Variants in DDX10 observed in about 807,000 individuals in gnomAD.
DDX10 encodes probable ATP-dependent RNA helicase DDX10.
In DDX10, 74 loss-of-function variants were observed where a neutral mutation model predicts 104.3. That is an observed-to-expected ratio of 0.71 (90% confidence interval 0.59 to 0.86). DDX10 has a LOEUF of 0.86. Among genes scored for constraint, DDX10 ranks in the 40% least tolerant of loss-of-function variants. The pLI, the probability that DDX10 is intolerant of heterozygous loss-of-function variation, is 0.00. For synonymous variants in DDX10, 351 were observed against 353.4 expected (o/e 0.99, Z 0.08); for missense variants, 952 against 1,040.0 (o/e 0.92, Z 1.16).
chr11:108,861,903 G>A (rs1862946179), intron 16 of DDX10, among the ~76,000 whole-genome samples: 2 of 152,176 alleles, frequency 1.3e-5, no homozygotes, highest in African/African-American at 4.8e-5. Flanking sequence ...GTGCATGCCT[G>A]TAGTCCCAGC....
At chr11:108,892,845 G>A (rs980386457) in intron 16 of DDX10, among the ~76,000 whole-genome samples, 4 of 152,230 alleles carry the variant, frequency 2.6e-5, no homozygotes, top group African/African-American at 9.6e-5. Flanking sequence ...TTTAGTCCAA[G>A]TTTCCTTAGC....
chr11:108,791,321 T>C (rs1451737408), intron 13 of DDX10, among the ~76,000 whole-genome samples: 1 of 152,216 alleles, frequency 6.6e-6, no homozygotes, highest in Non-Finnish European at 1.5e-5. Flanking sequence ...TCGCAGCTGA[T>C]GCTGTGTGGA....
In DDX10 at chr11:108,691,511, T is replaced by A. The variant is rs567559121; in HGVS notation, c.976-365T>A. On this transcript the variant is annotated intron_variant, in intron 7 of 17. Coordinates refer to ENST00000322536, the MANE Select transcript of DDX10 (RefSeq NM_004398.4). Reference sequence around the variant, plus strand: ...ACATATTTCTTGGTTTGATCAGTTCTGTATTACTAATTATTTTAATAATTG... The same window carrying A: ...ACATATTTCTTGGTTTGATCAGTTCAGTATTACTAATTATTTTAATAATTG... 2.0e-5 allele frequency among the ~76,000 whole-genome samples: 3 copies of A among 152,340 alleles called. No individual in the cohort carries two copies. In the East Asian group the frequency reaches 5.8e-4, roughly 29 times the overall value.
chr11:108,853,078 GAATATAAGCAGAAAAGACTGCTTATATTA>G (rs1192694421), intron 16 of DDX10, among the ~76,000 whole-genome samples: 2 of 151,968 alleles, frequency 1.3e-5, no homozygotes, highest in South Asian at 2.1e-4. Flanking sequence ...ATTTAATACT[GAATATAAGCAGAAAAGACTGCTTATATTA>G]AATATAAGCA....
intron 13 of DDX10, among the ~76,000 whole-genome samples, chr11:108,751,493 A>G (rs564250653): frequency 5.9e-5 from 9 of 152,212 alleles, no homozygotes; most frequent in Non-Finnish European, 1.0e-4. Context: ...ATGAAAGTCA[A>G]GTGGGAGGGG....
intron 13 of DDX10, among the ~76,000 whole-genome samples, chr11:108,745,062 TCCCC>T (rs2094329779): frequency 1.9e-5 from 1 of 53,494 alleles, no homozygotes; most frequent in Admixed American, 2.6e-4. Context: ...CCTTCCCCCT[TCCCC>T]CTTCCCCCTT....
chr11:108,796,002 G>A (rs568566193), intron 13 of DDX10, among the ~76,000 whole-genome samples: 10 of 152,276 alleles, frequency 6.6e-5, no homozygotes, highest in African/African-American at 2.4e-4. Context: ...AATAAGTATA[G>A]AAGTGTTCAG....
intron 13 of DDX10, among the ~76,000 whole-genome samples, chr11:108,781,078 A>G (rs1314046624): frequency 6.6e-6 from 1 of 152,076 alleles, no homozygotes; most frequent in Non-Finnish European, 1.5e-5. Flanking sequence ...CCTTTCTAGT[A>G]GTCTGCAGTG....
At chr11:108,692,123 C>T (rs1358826299) in intron 8 of DDX10, 85 bp downstream of exon 8, 2 of 1,238,232 alleles carry the variant, frequency 1.6e-6, no homozygotes, top group African/African-American at 1.5e-5. Flanking sequence ...ATCTGATAGA[C>T]TCAAACACTT....
chr11:108,683,217 T>C (rs1164200010), intron 6 of DDX10, among the ~76,000 whole-genome samples: 1 of 152,242 alleles, frequency 6.6e-6, no homozygotes, highest in African/African-American at 2.4e-5. Flanking sequence ...GAATCTCTGC[T>C]CAGTTCTGTA....
intron 13 of DDX10, among the ~76,000 whole-genome samples, chr11:108,762,519 A>G (rs1199102044): frequency 6.6e-6 from 1 of 152,192 alleles, no homozygotes; most frequent in East Asian, 1.9e-4. Flanking sequence ...AAAACCTAAG[A>G]AGGAGTTCCT....
At chr11:108,777,855 A>G (rs538584575) in intron 13 of DDX10, among the ~76,000 whole-genome samples, 10 of 152,348 alleles carry the variant, frequency 6.6e-5, no homozygotes, top group South Asian at 2.1e-4. Flanking sequence ...GTGTCAGGAT[A>G]CAAAATCAGT....
intron 13 of DDX10, among the ~76,000 whole-genome samples, chr11:108,781,520 C>T (rs1021372639): frequency 6.6e-6 from 1 of 152,140 alleles, no homozygotes; most frequent in Admixed American, 6.6e-5. Flanking sequence ...TAATACTGAA[C>T]TATATGGAGG....
chr11:108,701,959 C>T (rs2094268883), intron 9 of DDX10, among the ~76,000 whole-genome samples: 1 of 152,138 alleles, frequency 6.6e-6, no homozygotes, highest in Admixed American at 6.5e-5. Context: ...GCTGGGGTTA[C>T]AGGCGTGAAC....
intron 15 of DDX10, among the ~76,000 whole-genome samples, chr11:108,842,586 A>G (rs1286167816): frequency 6.6e-6 from 1 of 152,202 alleles, no homozygotes; most frequent in Non-Finnish European, 1.5e-5. Flanking sequence ...AGCTTTAGGG[A>G]TGGAAAATGA....
intron 13 of DDX10, among the ~76,000 whole-genome samples, chr11:108,731,604 A>G (rs1409443099): frequency 6.8e-6 from 1 of 148,004 alleles, no homozygotes; most frequent in African/African-American, 2.5e-5. Context: ...CCTCGACCTT[A>G]TGGGCTGAAG....
intron 10 of DDX10, among the ~76,000 whole-genome samples, chr11:108,710,121 A>G (rs1009535897): frequency 1.2e-4 from 19 of 152,228 alleles, no homozygotes; most frequent in African/African-American, 4.6e-4. Flanking sequence ...GATAAAAAGC[A>G]TACCTGCATA....
chr11:108,892,974 C>T (rs528201832), intron 16 of DDX10, among the ~76,000 whole-genome samples: 1 of 152,236 alleles, frequency 6.6e-6, no homozygotes, highest in East Asian at 1.9e-4. Flanking sequence ...TCCAACTCAT[C>T]CTTAAGACTG....
Position 108,725,236 on chromosome 11 carries a change from C to G in DDX10, c.1965+1774C>G, listed in dbSNP as rs189493467. 2.4e-3 allele frequency among the ~76,000 whole-genome samples: 367 copies of G among 152,016 alleles called. 4 individuals are homozygous for G. The highest frequency in any genetic ancestry group is 8.6e-3 in the African/African-American group (355 of 41,492). Reference sequence around the variant, plus strand: ...AGCTTTAAATTGGCATTGGTTGTTTCCATTTTTTGGTGATTATGACAAAAG... The same window carrying G: ...AGCTTTAAATTGGCATTGGTTGTTTGCATTTTTTGGTGATTATGACAAAAG... On this transcript the variant is annotated intron_variant, in intron 13 of 17. Transcript: ENST00000322536.
Sources: gnomAD v4.1 joint callset for allele counts (sites outside exome capture counted in the v4.1 genomes callset) on GRCh38, gnomAD v4.1.1 for gene constraint, MANE v1.5 for transcripts, NCBI Gene and HGNC (gene_info 2026-07-23, HGNC 2026-07-21) for gene names.